The following EXOC6B variants were observed in gnomAD, a reference collection of about 807,000 sequenced individuals.
EXOC6B encodes the protein SEC15 homolog B.
EXOC6B carries 54 observed loss-of-function variants against 113.5 expected under a neutral mutation model. That is an observed-to-expected ratio of 0.48 (90% CI 0.38 to 0.60). The LOEUF is 0.60. Ranked by LOEUF, EXOC6B falls within the 20% of genes least tolerant of loss-of-function variation. The pLI, the probability that EXOC6B is intolerant of heterozygous loss-of-function variation, is 0.00. For missense variants in EXOC6B, 797 were observed against 977.5 expected (o/e 0.82, Z 2.46); for synonymous variants, 357 against 339.0 (o/e 1.05, Z -0.58).
At chr2:72,231,596 G>A (rs1417898067) in intron 20 of EXOC6B, among the ~76,000 whole-genome samples, 3 of 152,094 alleles carry the variant, frequency 2.0e-5, no homozygotes, top group Admixed American at 2.0e-4. Context: ...TGAAAAAAGA[G>A]TAGTAACTCT....
At chr2:72,673,779 A>AT (rs1164870033) in intron 6 of EXOC6B, among the ~76,000 whole-genome samples, 197 of 142,236 alleles carry the variant, frequency 1.4e-3, no homozygotes, top group Admixed American at 3.3e-3. Context: ...TTATTTTTTT[A>AT]TTTTTTTTTG....
At chr2:72,185,679 G>A (rs1678377460) in intron 20 of EXOC6B, among the ~76,000 whole-genome samples, 1 of 151,666 alleles carries the variant, frequency 6.6e-6, no homozygotes, top group African/African-American at 2.4e-5. Context: ...CAAGGCCTCA[G>A]AGAGTTATCC....
intron 6 of EXOC6B, among the ~76,000 whole-genome samples, chr2:72,664,885 G>A (rs1203137361): frequency 5.9e-5 from 9 of 152,224 alleles, no homozygotes; most frequent in Admixed American, 5.9e-4. Context: ...GATACAGCCA[G>A]TGCCCATCCC....
At chr2:72,453,771 A>G (rs1193033832) in intron 18 of EXOC6B, among the ~76,000 whole-genome samples, 1 of 152,228 alleles carries the variant, frequency 6.6e-6, no homozygotes, top group African/African-American at 2.4e-5. Flanking sequence ...TTTAGCATCA[A>G]TAAGAAAGAA....
intron 17 of EXOC6B, among the ~76,000 whole-genome samples, chr2:72,472,044 A>C (rs1024911421): frequency 2.0e-5 from 3 of 151,970 alleles, no homozygotes; most frequent in Non-Finnish European, 4.4e-5. Flanking sequence ...GCATATACTA[A>C]ACCATCCTTG....
chr2:72,373,727 T>C (rs602465), intron 19 of EXOC6B, among the ~76,000 whole-genome samples: 20,709 of 152,220 alleles, frequency 0.14, 1,735 homozygotes, highest in African/African-American at 0.24. Flanking sequence ...CACTTAACTC[T>C]AGTTAAAATG....
At chr2:72,768,361 G>A (rs1683220160) in intron 1 of EXOC6B, among the ~76,000 whole-genome samples, 2 of 147,796 alleles carry the variant, frequency 1.4e-5, no homozygotes, top group Admixed American at 6.9e-5. Context: ...GTGCGATCTC[G>A]GCTCACTGCA....
intron 1 of EXOC6B, among the ~76,000 whole-genome samples, chr2:72,777,404 A>AT (rs1319678240): frequency 2.0e-5 from 3 of 152,112 alleles, no homozygotes; most frequent in Non-Finnish European, 4.4e-5. Flanking sequence ...TATTTTAAAT[A>AT]TTTTTTATTT....
intron 8 of EXOC6B, among the ~76,000 whole-genome samples, chr2:72,518,514 GT>G (rs1701328168): frequency 1.3e-5 from 2 of 151,884 alleles, no homozygotes; most frequent in Non-Finnish European, 2.9e-5. Flanking sequence ...GTGTGTGTGT[GT>G]GTGTGGTGGG....
chr2:72,724,305 G>C (rs1026510076), intron 5 of EXOC6B, among the ~76,000 whole-genome samples: 6 of 152,170 alleles, frequency 3.9e-5, no homozygotes, highest in Non-Finnish European at 7.3e-5. Context: ...TCAAAATGAA[G>C]AGTCGTTGGG....
At chr2:72,760,866 C>T (rs1403278808) in intron 1 of EXOC6B, among the ~76,000 whole-genome samples, 2 of 152,096 alleles carry the variant, frequency 1.3e-5, no homozygotes, top group Non-Finnish European at 2.9e-5. Context: ...CTGTGGAAAG[C>T]AAATTTCACT....
intron 6 of EXOC6B, among the ~76,000 whole-genome samples, chr2:72,580,202 C>T (rs1025649969): frequency 2.2e-5 from 3 of 133,644 alleles, no homozygotes; most frequent in South Asian, 2.3e-4. Flanking sequence ...AGTGCAGTGG[C>T]GCGATATCGG....
intron 1 of EXOC6B, among the ~76,000 whole-genome samples, chr2:72,824,867 A>T (rs1336444516): frequency 6.6e-6 from 1 of 152,164 alleles, no homozygotes; most frequent in African/African-American, 2.4e-5. Context: ...AACAGTGGTT[A>T]AGTGTCTGGG....
chr2:72,733,336 T>C (rs1247536326), intron 2 of EXOC6B, among the ~76,000 whole-genome samples: 1 of 152,082 alleles, frequency 6.6e-6, no homozygotes, highest in Non-Finnish European at 1.5e-5. Flanking sequence ...TGCTAACAAA[T>C]ATGGTGAGTT....
chr2:72,817,423 C>T (rs1048678467), intron 1 of EXOC6B, among the ~76,000 whole-genome samples: 4 of 152,196 alleles, frequency 2.6e-5, no homozygotes, highest in Non-Finnish European at 4.4e-5. Context: ...GACAGTTAAT[C>T]TGCAAATCAG....
chr2:72,747,195 A>AT (rs1277419289), intron 1 of EXOC6B, among the ~76,000 whole-genome samples: 2 of 152,048 alleles, frequency 1.3e-5, no homozygotes, highest in Non-Finnish European at 2.9e-5. Context: ...ACCACAAAGG[A>AT]TAAATATTAA....
intron 8 of EXOC6B, among the ~76,000 whole-genome samples, chr2:72,516,804 A>G (rs903507233): frequency 2.6e-5 from 4 of 152,182 alleles, no homozygotes; most frequent in Non-Finnish European, 5.9e-5. Context: ...ATATGGTTGT[A>G]ATGAGGATTT....
At chr2:72,254,171 G>C (rs151198542) in intron 20 of EXOC6B, among the ~76,000 whole-genome samples, 1 of 151,836 alleles carries the variant, frequency 6.6e-6, no homozygotes, top group Non-Finnish European at 1.5e-5. Flanking sequence ...AAAAAAAAAA[G>C]ATATGTTCAA....
chr2:72,440,888 C>A (rs999501037), intron 18 of EXOC6B, among the ~76,000 whole-genome samples: 1 of 151,968 alleles, frequency 6.6e-6, no homozygotes, highest in Non-Finnish European at 1.5e-5. Context: ...ATCCTACTTT[C>A]TGACAAAACA....
Sources: gnomAD v4.1 joint callset for allele counts (sites outside exome capture counted in the v4.1 genomes callset) on GRCh38, gnomAD v4.1.1 for gene constraint, MANE v1.5 for transcripts, NCBI Gene and HGNC (gene_info 2026-07-23, HGNC 2026-07-21) for gene names.